Variants in UNC5C observed in about 807,000 individuals in gnomAD.
The protein encoded by UNC5C is unc-5 netrin receptor C, also known as netrin receptor UNC5C.
In UNC5C, 47 loss-of-function variants were observed where a neutral mutation model predicts 99.8. The ratio of observed to expected loss-of-function variants is 0.47; its 90% CI spans 0.37 to 0.60. UNC5C has a LOEUF of 0.60. Ranked by LOEUF, UNC5C falls within the 20% of genes least tolerant of loss-of-function variation. The probability of loss-of-function intolerance (pLI) is 0.00; values close to 1 mark genes in which losing one functional copy is unlikely to be tolerated. For synonymous variants in UNC5C, 487 were observed against 452.2 expected, an observed-to-expected ratio of 1.08 and a Z score of -0.98; for missense variants, 1,062 against 1,165.9, an observed-to-expected ratio of 0.91 and a Z score of 1.30.
intron 2 of UNC5C, among the ~76,000 whole-genome samples, chr4:95,308,014 T>G (rs1742122461): frequency 6.6e-6 from 1 of 152,192 alleles, no homozygotes; most frequent in South Asian, 2.1e-4. Context: ...GGCATTACGT[T>G]CAACAGTGAA....
intron 1 of UNC5C, among the ~76,000 whole-genome samples, chr4:95,453,320 T>C (rs1298551189): frequency 1.3e-5 from 2 of 152,118 alleles, no homozygotes; most frequent in Non-Finnish European, 2.9e-5. Context: ...TAATAATACA[T>C]GACACATAAT....
intron 7 of UNC5C, among the ~76,000 whole-genome samples, chr4:95,225,159 C>A (rs189118388): frequency 6.6e-6 from 1 of 152,068 alleles, no homozygotes; most frequent in Admixed American, 6.5e-5. Flanking sequence ...CGGGTTCAAG[C>A]GATTCTCCTG....
intron 12 of UNC5C, among the ~76,000 whole-genome samples, chr4:95,197,815 T>G: frequency 6.6e-6 from 1 of 152,020 alleles, no homozygotes; most frequent in East Asian, 1.9e-4. Flanking sequence ...GTAGAAGTAG[T>G]GGGCTTATTC....
intron 12 of UNC5C, among the ~76,000 whole-genome samples, chr4:95,190,497 T>A (rs903215263): frequency 1.1e-4 from 17 of 151,314 alleles, no homozygotes; most frequent in East Asian, 3.9e-4. Flanking sequence ...AATAAAAAAA[T>A]TTTTTTTTTG....
intron 1 of UNC5C, among the ~76,000 whole-genome samples, chr4:95,498,470 T>A (rs1026037827): frequency 1.3e-5 from 2 of 152,006 alleles, no homozygotes; most frequent in Non-Finnish European, 2.9e-5. Flanking sequence ...AAACATTCCA[T>A]CTTTTCTAAA....
intron 1 of UNC5C, among the ~76,000 whole-genome samples, chr4:95,459,582 G>A (rs1747542019): frequency 1.3e-5 from 2 of 152,242 alleles, no homozygotes; most frequent in East Asian, 3.9e-4. Context: ...ATAATTACAA[G>A]CCAATTCAAT....
At chr4:95,536,278 G>C in intron 1 of UNC5C, among the ~76,000 whole-genome samples, 1 of 152,030 alleles carries the variant, frequency 6.6e-6, no homozygotes, top group Middle Eastern at 3.2e-3. Context: ...ATTTCACCAG[G>C]TTGGCTAGGC....
chr4:95,421,898 C>T (rs930655951), intron 1 of UNC5C, among the ~76,000 whole-genome samples: 4 of 152,122 alleles, frequency 2.6e-5, no homozygotes, highest in African/African-American at 9.7e-5. Flanking sequence ...AGCTGCTTTT[C>T]TTTCTCTAAT....
chr4:95,439,730 C>G (rs549327924), intron 1 of UNC5C, among the ~76,000 whole-genome samples: 1 of 152,244 alleles, frequency 6.6e-6, no homozygotes, highest in Non-Finnish European at 1.5e-5. Context: ...ATGCTGATGT[C>G]AATTTGGATT....
At chr4:95,212,024 A>C (rs1196320932) in intron 10 of UNC5C, among the ~76,000 whole-genome samples, 2 of 152,248 alleles carry the variant, frequency 1.3e-5, no homozygotes, top group Admixed American at 1.3e-4. Context: ...TCCTTGAGAC[A>C]GAATAATGTC....
intron 1 of UNC5C, among the ~76,000 whole-genome samples, chr4:95,547,810 G>A (rs761998550): frequency 6.6e-6 from 1 of 152,164 alleles, no homozygotes; most frequent in Non-Finnish European, 1.5e-5. Context: ...TTCAAACTAG[G>A]CGGACAAGAA....
At chr4:95,366,282 A>G (rs1744567406) in intron 1 of UNC5C, among the ~76,000 whole-genome samples, 1 of 152,230 alleles carries the variant, frequency 6.6e-6, no homozygotes, top group South Asian at 2.1e-4. Context: ...TGGGCAATGT[A>G]GTGAGACCTC....
chr4:95,511,682 G>T (rs1722073487), intron 1 of UNC5C, among the ~76,000 whole-genome samples: 2 of 152,086 alleles, frequency 1.3e-5, no homozygotes, highest in Non-Finnish European at 2.9e-5. Context: ...TTTCATTTTA[G>T]CTAGGTCCCC....
chr4:95,430,276 G>A (rs1182746420), intron 1 of UNC5C, among the ~76,000 whole-genome samples: 1 of 151,892 alleles, frequency 6.6e-6, no homozygotes, highest in Non-Finnish European at 1.5e-5. Context: ...GCCATCTGTG[G>A]GATAGCTCTG....
intron 1 of UNC5C, among the ~76,000 whole-genome samples, chr4:95,435,109 A>G (rs1746738709): frequency 6.6e-6 from 1 of 152,092 alleles, no homozygotes; most frequent in Non-Finnish European, 1.5e-5. Flanking sequence ...AATTCCAGAG[A>G]TAGAGTACAA....
chr4:95,186,629 A>C (rs2149352330), intron 12 of UNC5C, among the ~76,000 whole-genome samples: 1 of 152,300 alleles, frequency 6.6e-6, no homozygotes, highest in South Asian at 2.1e-4. Context: ...AGGTGTAAAA[A>C]AATATTAGGA....
At chr4:95,256,754 A>G (rs1020079965) in intron 4 of UNC5C, among the ~76,000 whole-genome samples, 2 of 147,648 alleles carry the variant, frequency 1.4e-5, no homozygotes, top group Non-Finnish European at 3.0e-5. Context: ...CATGATTACA[A>G]AGTCCCACGA....
intron 1 of UNC5C, among the ~76,000 whole-genome samples, chr4:95,424,485 T>G (rs1746406910): frequency 6.6e-6 from 1 of 150,812 alleles, no homozygotes; most frequent in Admixed American, 6.6e-5. Flanking sequence ...TATTTTTCTA[T>G]GTAACAGGGC....
In UNC5C at chr4:95,198,003, T is replaced by A. The variant is rs1326050193; in HGVS notation, c.2136+4728A>T. On this transcript the variant is annotated intron_variant, in intron 12 of 15. Coordinates refer to ENST00000453304, the MANE Select transcript of UNC5C (RefSeq NM_003728.4). Reference sequence around the variant, plus strand: ...CCCTTTTTTTTTTTTTTTTTTTTTTTAAGAGATGGGGTCTCGCTCTGCCAC... The same window carrying A: ...CCCTTTTTTTTTTTTTTTTTTTTTTAAAGAGATGGGGTCTCGCTCTGCCAC... Among the ~76,000 whole-genome samples the A allele has an allele frequency of 5.3e-5, 7 of 132,386 alleles. No individual in the cohort carries two copies. In the South Asian group the frequency reaches 1.1e-3, roughly 22 times the overall value. The allele number at this position is 132,386 out of a possible 152,430, so 86.9% of individuals were successfully genotyped here. A position where few individuals can be genotyped will look rare whatever the true frequency, so the allele number is the denominator to read the frequency against.
Sources: allele counts gnomAD v4.1 joint callset (sites outside exome capture counted in the v4.1 genomes callset), GRCh38; gene constraint gnomAD v4.1.1; transcripts MANE v1.5; gene names NCBI Gene and HGNC (gene_info 2026-07-23, HGNC 2026-07-21).